Variants in DMGDH observed in about 807,000 individuals in gnomAD.
DMGDH encodes dimethylglycine dehydrogenase, mitochondrial.
Under a neutral mutation model 95.2 loss-of-function variants are expected in DMGDH, and 76 were observed. The ratio of observed to expected loss-of-function variants is 0.80; its 90% confidence interval spans 0.66 to 0.97. The LOEUF (loss-of-function observed/expected upper bound fraction) is 0.97. DMGDH is among the 50% of genes least tolerant of loss of function. The pLI is 0.00. For missense variants in DMGDH, 987 were observed against 1,055.0 expected, an observed-to-expected ratio of 0.94 and a Z score of 0.89; for synonymous variants, 345 against 377.6, an observed-to-expected ratio of 0.91 and a Z score of 1.00.
At chr5:79,039,572 G>T (rs1754446670) in intron 7 of DMGDH, among the ~76,000 whole-genome samples, 1 of 152,068 alleles carries the variant, frequency 6.6e-6, no homozygotes, top group African/African-American at 2.4e-5. Flanking sequence ...TCAGGGGAGT[G>T]GGGAGGGATA....
Position 79,063,630 on chromosome 5 carries a change from C to T in DMGDH, c.259G>A (p.Gly87Arg), listed in dbSNP as rs1755277195. The change falls in exon 2 of 16, where the codon GGA becomes AGA. Residue 87 changes from glycine (G) to arginine (R), a missense_variant. Transcript: ENST00000255189. ...TTTCTTACTGCGTGCCAGGTAGATC[C>T]AGCCGTGAGCTCTGATTTCTCCAGC... is the stretch of plus-strand genomic sequence containing the variant. ...VLLEKSELTA[G>R]STWHAAGLTT... 6.2e-7 allele frequency: 1 copy of T among 1,614,072 alleles called. No homozygotes were observed. The highest frequency in any genetic ancestry group is 1.3e-5 in the African/African-American group (1 of 74,932).
chr5:79,057,094 C>G (rs60305139), intron 2 of DMGDH, among the ~76,000 whole-genome samples: 10,821 of 152,174 alleles, frequency 0.071, 844 homozygotes, highest in African/African-American at 0.18. Flanking sequence ...AGACTTTTGT[C>G]AAAGTTTAAC....
In DMGDH at chr5:79,001,203, C is replaced by T. The variant is rs149429884; in HGVS notation, c.2386-2906G>A. ...TTTGAGATGGAGTCTTGCTCTGTTGCCCCAGCTGGAGTGCAGAGGCGCAAT... is the reference window on the plus strand; with the variant it reads ...TTTGAGATGGAGTCTTGCTCTGTTGTCCCAGCTGGAGTGCAGAGGCGCAAT... On this transcript the variant is annotated intron_variant, in intron 15 of 15. Transcript: ENST00000255189. The T allele has an allele frequency of 9.6e-4, 364 of 380,878 alleles. 6 individuals carry two copies. In the East Asian group the frequency reaches 0.014, roughly 14 times the overall value. The allele number at this position is 380,878 out of a possible 1,614,324, so 23.6% of individuals were successfully genotyped here.
In DMGDH at chr5:79,029,895, T is replaced by C; in HGVS notation, c.1814+9A>G. 6.2e-7 allele frequency: 1 copy of C among 1,613,864 alleles called. No homozygotes were observed. The highest frequency in any genetic ancestry group is 8.5e-7 in the Non-Finnish European group (1 of 1,179,852). On this transcript the variant is annotated intron_variant, in intron 11 of 15. Transcript: ENST00000255189. Reference sequence around the variant, plus strand: ...GTGTACAAAATTTTCTTACTAGGTGTGCACTTACCTAAGATCATGAAGTTC... The same window carrying C: ...GTGTACAAAATTTTCTTACTAGGTGCGCACTTACCTAAGATCATGAAGTTC...
intron 2 of DMGDH, 85 bp downstream of exon 2, chr5:79,063,528 A>C: frequency 6.5e-6 from 10 of 1,538,450 alleles, no homozygotes; most frequent in Non-Finnish European, 9.0e-6. Context: ...TAAAGAGCTC[A>C]CAGTTGGGAG....
intron 14 of DMGDH, among the ~76,000 whole-genome samples, chr5:79,009,356 TTTTCTTTTC>T (rs747874112): frequency 9.9e-4 from 91 of 91,594 alleles, no homozygotes; most frequent in Non-Finnish European, 9.0e-4. Flanking sequence ...TTTTCTTTTC[TTTTCTTTTC>T]TTTTTTTTTT....
chr5:79,026,599 G>T lies in DMGDH; in HGVS notation c.2033-18C>A. 1 of 1,613,992 alleles carries T rather than the reference G, an allele frequency of 6.2e-7. No individual in the cohort carries two copies. The highest frequency in any genetic ancestry group is 8.5e-7 in the Non-Finnish European group (1 of 1,179,958). ...CAGCTCACCTGAAATAAACCCACAG[G>T]TGCCACAGCAGGGCAAGAACAATGA... On this transcript the variant is annotated intron_variant, in intron 12 of 15. Coordinates refer to ENST00000255189, the MANE Select transcript of DMGDH (RefSeq NM_013391.3).
In DMGDH at chr5:79,021,257, T is replaced by C. The variant is rs559634809; in HGVS notation, c.2250+3014A>G. The C allele has an allele frequency of 2.4e-5, 25 of 1,024,024 alleles. No homozygotes were observed. The South Asian group carries it at 8.9e-4, about 37-fold the overall frequency. The allele number at this position is 1,024,024 out of a possible 1,614,324, so 63.4% of individuals were successfully genotyped here. A position where few individuals can be genotyped will look rare whatever the true frequency, so the allele number is the denominator to read the frequency against. On this transcript the variant is annotated intron_variant, in intron 14 of 15. Coordinates refer to ENST00000255189, the MANE Select transcript of DMGDH (RefSeq NM_013391.3). ...CTTGCGGAAGGGTTATCTTCACAAT[T>C]ACGGCTAAGAACGTATCCCTACAGC...
At chr5:79,003,128 G>A (rs1456542864) in intron 15 of DMGDH, among the ~76,000 whole-genome samples, 1 of 152,222 alleles carries the variant, frequency 6.6e-6, no homozygotes, top group African/African-American at 2.4e-5. Flanking sequence ...ATTCCATGCT[G>A]AGTAAAACAG....
intron 10 of DMGDH, 167 bp downstream of exon 10, chr5:79,030,666 A>G (rs1195902202): frequency 7.5e-6 from 5 of 669,538 alleles, no homozygotes; most frequent in Non-Finnish European, 4.7e-6. Context: ...AAAAAAAAAA[A>G]GAAAAGAAAA....
chr5:79,042,484 A>G lies in DMGDH; in HGVS notation c.995-3T>C. ...CTCAAAGAGTTCCTTTCCAAAACCTAAAAAGATTTGCCCTTGTGGTCAGGA... is the reference window on the plus strand; with the variant it reads ...CTCAAAGAGTTCCTTTCCAAAACCTGAAAAGATTTGCCCTTGTGGTCAGGA... On this transcript the variant is annotated splice_polypyrimidine_tract_variant and splice_region_variant and intron_variant, in intron 6 of 15. Coordinates refer to ENST00000255189, the MANE Select transcript of DMGDH (RefSeq NM_013391.3). The G allele has an allele frequency of 6.2e-7, 1 of 1,614,106 alleles. No homozygotes were observed. The highest frequency in any genetic ancestry group is 8.5e-7 in the Non-Finnish European group (1 of 1,179,970).
chr5:79,000,191 C>G lies in DMGDH; in HGVS notation c.2386-1894G>C, dbSNP rs931843919. ...CTTCTCCACTAGTATGTTTCTGGCA[C>G]AGTTATGTTTAAAGTGATCTGGTCC... On this transcript the variant is annotated intron_variant, in intron 15 of 15. Coordinates refer to ENST00000255189, the MANE Select transcript of DMGDH (RefSeq NM_013391.3). 8 of 602,358 alleles carry G rather than the reference C, an allele frequency of 1.3e-5. No homozygotes were observed. In the African/African-American group the frequency reaches 1.5e-4, roughly 11 times the overall value. 37.3% of individuals were successfully genotyped at this position (602,358 alleles called of 1,614,324 possible).
chr5:79,069,499 G>A (rs1755485423), intron 1 of DMGDH, 21 bp downstream of exon 1: 2 of 1,254,882 alleles, frequency 1.6e-6, no homozygotes, highest in Non-Finnish European at 2.0e-6. Context: ...TCGCCTCTGA[G>A]CAGGACGGGG....
intron 1 of DMGDH, among the ~76,000 whole-genome samples, chr5:79,067,882 A>T (rs1218523738): frequency 6.6e-6 from 1 of 152,232 alleles, no homozygotes. Context: ...AATTGGGTAT[A>T]TAAAGAATAT....
At chr5:79,031,107 G>A (rs1247649188) in intron 9 of DMGDH, 109 bp from the exon 10 acceptor site, 34 of 619,226 alleles carry the variant, frequency 5.5e-5, no homozygotes, top group South Asian at 5.5e-4. Flanking sequence ...TACGGGCAGC[G>A]GGGAGTGGGA....
intron 14 of DMGDH, among the ~76,000 whole-genome samples, chr5:79,015,098 G>A (rs1399578296): frequency 6.6e-6 from 1 of 152,020 alleles, no homozygotes; most frequent in Non-Finnish European, 1.5e-5. Flanking sequence ...TGCCTTCTGG[G>A]ACTCTCTGCT....
chr5:79,063,333 C>A (rs1300824947), intron 2 of DMGDH, among the ~76,000 whole-genome samples: 2 of 152,100 alleles, frequency 1.3e-5, no homozygotes, highest in African/African-American at 4.8e-5. Context: ...CCTATTAAGA[C>A]ATCAGAAAAT....
At chr5:79,027,627 C>G (rs953932199) in intron 12 of DMGDH, among the ~76,000 whole-genome samples, 1 of 152,140 alleles carries the variant, frequency 6.6e-6, no homozygotes, top group African/African-American at 2.4e-5. Context: ...GTATCAAATA[C>G]CTACCATGTG....
At chr5:79,024,356 T>A (rs768878763) in intron 13 of DMGDH, 26 bp from the exon 14 acceptor site, 1 of 1,602,354 alleles carries the variant, frequency 6.2e-7, no homozygotes, top group Non-Finnish European at 8.6e-7. Flanking sequence ...ACATTTTAAA[T>A]CTTAGATGAG....
Sources: allele counts gnomAD v4.1 joint callset (sites outside exome capture counted in the v4.1 genomes callset), GRCh38; gene constraint gnomAD v4.1.1; transcripts MANE v1.5; gene names NCBI Gene and HGNC (gene_info 2026-07-23, HGNC 2026-07-21).